Variants in YEATS4 observed in about 807,000 individuals in gnomAD.
YEATS4 encodes YEATS domain containing 4.
A neutral mutation model predicts 30.1 loss-of-function variants in YEATS4; 17 were observed. That is an observed-to-expected ratio of 0.56 (90% confidence interval 0.39 to 0.85). YEATS4 has a LOEUF of 0.85. Ranked by LOEUF, YEATS4 falls within the 40% of genes least tolerant of loss-of-function variation. The pLI, the probability that YEATS4 is intolerant of heterozygous loss-of-function variation, is 0.00. For synonymous variants in YEATS4, 85 were observed against 87.5 expected, an observed-to-expected ratio of 0.97 and a Z score of 0.16; for missense variants, 142 against 268.3, an observed-to-expected ratio of 0.53 and a Z score of 3.29.
intron 2 of YEATS4, among the ~76,000 whole-genome samples, chr12:69,363,821 G>A (rs1048666482): frequency 6.6e-6 from 1 of 152,130 alleles, no homozygotes; most frequent in African/African-American, 2.4e-5. Flanking sequence ...ATCAACTGAT[G>A]AATGGATAAA....
the YEATS4 span, among the ~76,000 whole-genome samples, chr12:69,412,678 A>G: frequency 8.5e-5 from 13 of 152,222 alleles, no homozygotes; most frequent in South Asian, 2.7e-3. Context: ...ATAAAAATAC[A>G]AATAAAAATA....
At chr12:69,418,935 G>A in the YEATS4 span, among the ~76,000 whole-genome samples, 1 of 149,188 alleles carries the variant, frequency 6.7e-6, no homozygotes, top group African/African-American at 2.5e-5. Flanking sequence ...ATATATATAT[G>A]TTTTATGTAT....
In YEATS4 at chr12:69,359,945, G is replaced by C; in HGVS notation, c.-28G>C. The C allele has an allele frequency of 6.2e-7, 1 of 1,610,772 alleles. No homozygotes were observed. Among genetic ancestry groups the C allele is most frequent in the Non-Finnish European group, 8.5e-7 (1 of 1,178,214 alleles). Reference sequence around the variant, plus strand: ...CCGCCAGCCCCGGTCTCTTTCCCTGGCGGCGGCGGCTTCTTCCGTGGGACA... The same window carrying C: ...CCGCCAGCCCCGGTCTCTTTCCCTGCCGGCGGCGGCTTCTTCCGTGGGACA... On this transcript the variant is annotated 5_prime_UTR_variant, in exon 1 of 7. Coordinates refer to ENST00000247843, the MANE Select transcript of YEATS4 (RefSeq NM_006530.4).
chr12:69,379,356 CCTCT>C (rs745490778), intron 6 of YEATS4, among the ~76,000 whole-genome samples: 4 of 151,416 alleles, frequency 2.6e-5, no homozygotes, highest in Admixed American at 6.6e-5. Context: ...ACTTTCTACT[CCTCT>C]CTCTCTCTAT....
chr12:69,400,677 C>T, the YEATS4 span, among the ~76,000 whole-genome samples: 2 of 151,182 alleles, frequency 1.3e-5, no homozygotes, highest in East Asian at 1.9e-4. Context: ...GCAAGACCCC[C>T]CCGCCCAATT....
intron 1 of YEATS4, 30 bp from the exon 2 acceptor site, chr12:69,362,758 T>A: frequency 1.3e-6 from 2 of 1,543,998 alleles, no homozygotes; most frequent in East Asian, 4.8e-5. Context: ...GGTACAATAT[T>A]CATTTATTTT....
chr12:69,411,590 G>A, the YEATS4 span, among the ~76,000 whole-genome samples: 1 of 152,198 alleles, frequency 6.6e-6, no homozygotes, highest in African/African-American at 2.4e-5. Context: ...TCATGATACG[G>A]GAAAAAGAAA....
At position 69,390,606 on chromosome 12, in the gene YEATS4, T is replaced by C. The variant is rs1868306284; in HGVS notation, c.*290T>C. ...TTATTGTAGTATATGTATAGCTTAT[T>C]ACCCTTTTGACAGGCATCAAAATTT... On this transcript the variant is annotated 3_prime_UTR_variant, in exon 7 of 7. Transcript: ENST00000247843. 1 of 174,342 alleles carries C rather than the reference T, an allele frequency of 5.7e-6. No individual in the cohort carries two copies. Among genetic ancestry groups the C allele is most frequent in the South Asian group, 2.0e-4 (1 of 5,080 alleles). 10.8% of individuals were successfully genotyped at this position (174,342 alleles called of 1,614,324 possible). A position where few individuals can be genotyped will look rare whatever the true frequency, so the allele number is the denominator to read the frequency against.
In YEATS4 at chr12:69,368,483, G is replaced by A. The variant is rs193239274; in HGVS notation, c.334-2223G>A. ...TCTGGAAGTCTGAATAATAAATTTA[G>A]GGAAGGACAGTTTTACAATGTAATT... On this transcript the variant is annotated intron_variant, in intron 4 of 6. Coordinates refer to ENST00000247843, the MANE Select transcript of YEATS4 (RefSeq NM_006530.4). 2.9e-4 allele frequency among the ~76,000 whole-genome samples: 44 copies of A among 152,256 alleles called. No homozygotes were observed. The East Asian group carries it at 8.1e-3, about 28-fold the overall frequency.
intron 6 of YEATS4, among the ~76,000 whole-genome samples, chr12:69,388,344 A>G (rs1269432921): frequency 6.6e-6 from 1 of 152,246 alleles, no homozygotes; most frequent in African/African-American, 2.4e-5. Context: ...AGAAATACCT[A>G]GTTTTAGCTG....
intron 6 of YEATS4, among the ~76,000 whole-genome samples, chr12:69,375,250 C>T (rs1195081816): frequency 1.3e-5 from 2 of 149,612 alleles, no homozygotes; most frequent in African/African-American, 5.0e-5. Flanking sequence ...AGAGACACTC[C>T]TCAGTTTCCA....
chr12:69,407,881 T>C, the YEATS4 span, among the ~76,000 whole-genome samples: 2 of 152,092 alleles, frequency 1.3e-5, no homozygotes, highest in South Asian at 4.2e-4. Flanking sequence ...CACGCCTGGC[T>C]GATTTTGTAT....
the YEATS4 span, among the ~76,000 whole-genome samples, chr12:69,407,996 G>A: frequency 2.0e-5 from 3 of 152,302 alleles, no homozygotes; most frequent in East Asian, 5.8e-4. Flanking sequence ...GATTACAGGC[G>A]TGAGCCACTG....
chr12:69,392,365 A>G (rs1317423176), downstream of YEATS4, among the ~76,000 whole-genome samples: 1 of 152,224 alleles, frequency 6.6e-6, no homozygotes, highest in Non-Finnish European at 1.5e-5. Flanking sequence ...CAATGACACA[A>G]CAATTCCACT....
intron 4 of YEATS4, 130 bp from the exon 5 acceptor site, chr12:69,370,576 G>A (rs1875598910): frequency 1.5e-6 from 1 of 681,116 alleles, no homozygotes; most frequent in Admixed American, 4.0e-5. Flanking sequence ...GCAATAAGTT[G>A]CAGTTGAAAC....
the YEATS4 span, among the ~76,000 whole-genome samples, chr12:69,408,209 T>A: frequency 1.3e-5 from 2 of 152,202 alleles, no homozygotes. Flanking sequence ...ATCGGAGTCA[T>A]CAAAGATCCT....
At chr12:69,409,096 A>G in the YEATS4 span, among the ~76,000 whole-genome samples, 1 of 152,162 alleles carries the variant, frequency 6.6e-6, no homozygotes, top group African/African-American at 2.4e-5. Context: ...TAGCATAGGG[A>G]TTAACAGTGT....
At chr12:69,369,207 A>G (rs315135) in intron 4 of YEATS4, among the ~76,000 whole-genome samples, 9,019 of 152,262 alleles carry the variant, frequency 0.059, 393 homozygotes, top group African/African-American at 0.12. Context: ...TGCATCTCAT[A>G]TATTTAAATC....
intron 2 of YEATS4, chr12:69,364,378 T>A (rs1875348799): frequency 5.4e-6 from 1 of 185,776 alleles, no homozygotes; most frequent in Non-Finnish European, 1.2e-5. Context: ...AATTTAAAAA[T>A]TCCTAAAAGT....
Sources: gnomAD v4.1 joint callset for allele counts (sites outside exome capture counted in the v4.1 genomes callset) on GRCh38, gnomAD v4.1.1 for gene constraint, MANE v1.5 for transcripts, NCBI Gene and HGNC (gene_info 2026-07-23, HGNC 2026-07-21) for gene names.